PCDHGB5: variants seen among roughly 807,000 people sequenced by gnomAD.
PCDHGB5 encodes protocadherin gamma subfamily B, 5.
PCDHGB5 carries 48 observed loss-of-function variants against 62.9 expected under a neutral mutation model. The observed-to-expected ratio is 0.76, with a 90% CI of 0.61 to 0.97. The LOEUF is 0.97. PCDHGB5 is among the 50% of genes least tolerant of loss of function. The pLI is 0.00. For missense variants in PCDHGB5, 1,118 were observed against 1,198.6 expected (o/e 0.93, Z 0.99); for synonymous variants, 474 against 511.2 (o/e 0.93, Z 0.98).
chr5:141,409,831 C>T (rs1015263434), intron 1 of PCDHGB5: 2 of 1,611,128 alleles, frequency 1.2e-6, no homozygotes, highest in Non-Finnish European at 1.7e-6. Flanking sequence ...CCACGCTCAG[C>T]GCCAACGTGA....
intron 1 of PCDHGB5, among the ~76,000 whole-genome samples, chr5:141,445,746 TA>T (rs1486411811): frequency 2.0e-5 from 3 of 152,028 alleles, no homozygotes; most frequent in Non-Finnish European, 4.4e-5. Flanking sequence ...TTTTAAAAAA[TA>T]AAAGGTGTGA....
chr5:141,422,409 A>G, intron 1 of PCDHGB5: 1 of 1,601,728 alleles, frequency 6.2e-7, no homozygotes. Flanking sequence ...TGCCTTTTAA[A>G]TTAGAAAAGA....
intron 1 of PCDHGB5, among the ~76,000 whole-genome samples, chr5:141,457,632 G>A (rs919693977): frequency 6.6e-6 from 1 of 152,142 alleles, no homozygotes; most frequent in African/African-American, 2.4e-5. Flanking sequence ...CTTATACTTG[G>A]CCTGATTATT....
intron 1 of PCDHGB5, chr5:141,428,225 A>G (rs775012950): frequency 4.3e-6 from 5 of 1,156,574 alleles, no homozygotes; most frequent in Non-Finnish European, 6.3e-6. Flanking sequence ...GTCTTCGCAG[A>G]CAGCCTGCAG....
intron 1 of PCDHGB5, among the ~76,000 whole-genome samples, chr5:141,443,765 A>G (rs577762947): frequency 6.6e-6 from 1 of 152,340 alleles, no homozygotes; most frequent in East Asian, 1.9e-4. Context: ...TACAATATAC[A>G]ATATTACCAA....
At chr5:141,410,195 G>C (rs769655902) in intron 1 of PCDHGB5, 1 of 1,613,966 alleles carries the variant, frequency 6.2e-7, no homozygotes, top group South Asian at 1.1e-5. Flanking sequence ...TCTGGTCTTC[G>C]CAGACAACTT....
At chr5:141,404,601 T>G (rs2094545274) in intron 1 of PCDHGB5, 2 of 1,614,056 alleles carry the variant, frequency 1.2e-6, no homozygotes, top group Admixed American at 1.7e-5. Context: ...TCATTGAGAC[T>G]GTTTGTTTTG....
chr5:141,400,467 ATCTGGGGCCTTATT>A lies in PCDHGB5; in HGVS notation c.2343_2356del (p.Gly782ThrfsTer3). 6.2e-7 allele frequency: 1 copy of A among 1,614,042 alleles called. No individual in the cohort carries two copies. The highest frequency in any genetic ancestry group is 8.5e-7 in the Non-Finnish European group (1 of 1,179,890). ...GACAAGACATACTTTGTGGTGATTC[ATCTGGGGCCTTATT>A]TCCACTTTGTAATTCCAGCGAGTCG... On this transcript the variant is annotated frameshift_variant, in exon 1 of 4. Transcript: ENST00000617380. LOFTEE classifies it high-confidence loss of function.
chr5:141,492,558 G>A (rs879634396), intron 1 of PCDHGB5, among the ~76,000 whole-genome samples: 1 of 152,236 alleles, frequency 6.6e-6, no homozygotes, highest in South Asian at 2.1e-4. Context: ...CGCCTGGGGG[G>A]CGGCCTGAGC....
At chr5:141,405,267 A>G (rs1384687423) in intron 1 of PCDHGB5, 1 of 1,614,154 alleles carries the variant, frequency 6.2e-7, no homozygotes, top group South Asian at 1.1e-5. Context: ...ATCTTCCCCC[A>G]GCCCAACTAT....
chr5:141,422,317 G>A (rs1266672163), intron 1 of PCDHGB5: 2 of 1,548,092 alleles, frequency 1.3e-6, no homozygotes, highest in Non-Finnish European at 1.7e-6. Context: ...CTCTCCTCCA[G>A]GTACAGTGAT....
chr5:141,455,495 G>C (rs2098824459), intron 1 of PCDHGB5, among the ~76,000 whole-genome samples: 1 of 152,204 alleles, frequency 6.6e-6, no homozygotes, highest in East Asian at 1.9e-4. Flanking sequence ...GGTGATGTCT[G>C]ATTTGCATAG....
Position 141,399,241 on chromosome 5 carries a change from T to C in PCDHGB5, c.1114T>C (p.Ser372Pro). 1.9e-6 allele frequency: 3 copies of C among 1,613,950 alleles called. No individual in the cohort carries two copies. The highest frequency in any genetic ancestry group is 1.1e-5 in the South Asian group (1 of 91,080). The change falls in exon 1 of 4, where the codon TCT becomes CCT. Residue 372 changes from serine to proline, a missense_variant. This residue lies in a region of PCDHGB5 where 1,034 missense variants were observed against 1,029.1 expected (regional missense o/e 1.00). Coordinates refer to ENST00000617380, the MANE Select transcript of PCDHGB5 (RefSeq NM_018925.3). ...TTTGATCAAAATACATGACCAAGATTCTGGGGAAAATGGGGAGGTTAATTG... is the reference window on the plus strand; with the variant it reads ...TTTGATCAAAATACATGACCAAGATCCTGGGGAAAATGGGGAGGTTAATTG... ...IALIKIHDQD[S>P]GENGEVNCQL...
At position 141,433,069 on chromosome 5, in the gene PCDHGB5, C is replaced by G. The variant is rs561950316; in HGVS notation, c.2397+32545C>G. The G allele has an allele frequency of 3.1e-6, 5 of 1,614,200 alleles. No homozygotes were observed. In the Admixed American group the frequency reaches 8.3e-5, roughly 27 times the overall value. Reference sequence around the variant, plus strand: ...ACTCGCGGAAGAGTCACCTGATCTTCCCCCAGCCCAACTATGCAGACATGC... The same window carrying G: ...ACTCGCGGAAGAGTCACCTGATCTTGCCCCAGCCCAACTATGCAGACATGC... On this transcript the variant is annotated intron_variant, in intron 1 of 3. Coordinates refer to ENST00000617380, the MANE Select transcript of PCDHGB5 (RefSeq NM_018925.3).
chr5:141,465,312 A>G (rs2099100692), intron 1 of PCDHGB5, among the ~76,000 whole-genome samples: 1 of 152,314 alleles, frequency 6.6e-6, no homozygotes, highest in South Asian at 2.1e-4. Flanking sequence ...GAATTTAGCC[A>G]TGTCAATGCA....
In PCDHGB5 at chr5:141,476,718, C is replaced by T; in HGVS notation, c.2398-18089C>T. On this transcript the variant is annotated intron_variant, in intron 1 of 3. Transcript: ENST00000617380. The surrounding 1 kb of genome is among the most constrained non-coding windows in gnomAD (Gnocchi z 7.6). ...TACGCGGAGCTGGTGTTGGAGCGCG[C>T]CCTGGACCGAGAACGGGAGCCTAGT... The T allele has an allele frequency of 1.2e-6, 2 of 1,614,144 alleles. No individual in the cohort carries two copies. The highest frequency in any genetic ancestry group is 2.2e-5 in the East Asian group (1 of 44,874).
Position 141,489,119 on chromosome 5 carries a change from C to T in PCDHGB5, c.2398-5688C>T, listed in dbSNP as rs1236074950. The T allele has an allele frequency of 2.0e-5, 13 of 650,240 alleles. No individual in the cohort carries two copies. Among genetic ancestry groups the T allele is most frequent in the African/African-American group, 9.1e-5 (5 of 55,178 alleles). 40.3% of individuals were successfully genotyped at this position (650,240 alleles called of 1,614,324 possible). ...GAACTGCTGCAAGCAGGCAAACCTC[C>T]GAGCAGTTTTTAAGAGGCTGGAAGG... On this transcript the variant is annotated intron_variant, in intron 1 of 3. Coordinates refer to ENST00000617380, the MANE Select transcript of PCDHGB5 (RefSeq NM_018925.3). This position sits in a 1 kb window ranked among gnomAD's most constrained non-coding sequence, Gnocchi z 4.5.
intron 1 of PCDHGB5, chr5:141,415,215 C>A: frequency 6.2e-7 from 1 of 1,614,106 alleles, no homozygotes; most frequent in South Asian, 1.1e-5. Flanking sequence ...CGGACCTCGG[C>A]AGCTTCGAGT....
chr5:141,433,017 A>T, intron 1 of PCDHGB5: 1 of 1,614,124 alleles, frequency 6.2e-7, no homozygotes, highest in Non-Finnish European at 8.5e-7. Flanking sequence ...CTGCAGACCT[A>T]TTCCCACGAG....
Sources: allele counts gnomAD v4.1 joint callset (sites outside exome capture counted in the v4.1 genomes callset), GRCh38; gene constraint gnomAD v4.1.1; regional missense constraint gnomAD v4.1.1; non-coding constraint Gnocchi (gnomAD v3.1); transcripts MANE v1.5; gene names NCBI Gene and HGNC (gene_info 2026-07-23, HGNC 2026-07-21).